The following PSG11 variants were observed in gnomAD, a reference collection of about 807,000 sequenced individuals.
PSG11 encodes the protein pregnancy-specific beta-1-glycoprotein 11.
Under a neutral mutation model 36.0 loss-of-function variants are expected in PSG11, and 42 were observed. That is an observed-to-expected ratio of 1.17 (90% CI 0.91 to 1.51). The LOEUF (loss-of-function observed/expected upper bound fraction) is 1.51. Ranked by LOEUF, PSG11 falls within the 40% of genes most tolerant of loss-of-function variation. The pLI is 0.00. For synonymous variants in PSG11, 206 were observed against 153.5 expected (o/e 1.34, Z -2.53); for missense variants, 558 against 403.5 (o/e 1.38, Z -3.28).
chr19:43,015,205 G>A lies in PSG11; in HGVS notation c.875C>T (p.Thr292Ile), dbSNP rs1966928600. The A allele has an allele frequency of 1.2e-6, 2 of 1,611,022 alleles. No individual in the cohort carries two copies. The highest frequency in any genetic ancestry group is 2.2e-5 in the East Asian group (1 of 44,790). Reference sequence around the variant, plus strand: ...AGCATAGAGCCCATTATGCTTTGGAGTAATCTGAGGGATAAAGAGCTTTTG... The same window carrying A: ...AGCATAGAGCCCATTATGCTTTGGAATAATCTGAGGGATAAAGAGCTTTTG... The part of the protein sequence containing the change: ...SGQKLFIPQI[T>I]PKHNGLYACS... The change falls in exon 4 of 6, where the codon ACT (threonine) becomes ATT (isoleucine). Residue 292 changes from threonine (T) to isoleucine (I), a missense_variant. Thr to Ile is a moderately conservative substitution (Grantham distance 89, BLOSUM62 -1). Transcript: ENST00000320078.
At chr19:43,015,580 T>G (rs1295126561) in intron 3 of PSG11, among the ~76,000 whole-genome samples, 1 of 151,288 alleles carries the variant, frequency 6.6e-6, no homozygotes, top group African/African-American at 2.4e-5. Context: ...GACAAGAGCA[T>G]CCCCTCTCCT....
In PSG11 at chr19:43,014,677, G is replaced by C; in HGVS notation, c.964+439C>G. 2.6e-6 allele frequency: 3 copies of C among 1,171,712 alleles called. No individual in the cohort carries two copies. The South Asian group carries it at 1.1e-4, about 42-fold the overall frequency. The allele number at this position is 1,171,712 out of a possible 1,614,324, so 72.6% of individuals were successfully genotyped here. A position where few individuals can be genotyped will look rare whatever the true frequency, so the allele number is the denominator to read the frequency against. On this transcript the variant is annotated intron_variant, in intron 4 of 5. Coordinates refer to ENST00000320078, the MANE Select transcript of PSG11 (RefSeq NM_002785.3). Reference sequence around the variant, plus strand: ...TCTGAGCTGCTCCTCCCTCACCCAAGGGGCTTCCTCCTCTCATTTGGGGGA... The same window carrying C: ...TCTGAGCTGCTCCTCCCTCACCCAACGGGCTTCCTCCTCTCATTTGGGGGA...
At chr19:43,023,110 C>A (rs921097009) in intron 2 of PSG11, among the ~76,000 whole-genome samples, 2 of 150,614 alleles carry the variant, frequency 1.3e-5, no homozygotes, top group Non-Finnish European at 3.0e-5. Context: ...CCAAGGAGCC[C>A]CGAGAACCCT....
chr19:43,014,910 A>G, intron 4 of PSG11: 3 of 1,428,042 alleles, frequency 2.1e-6, no homozygotes, highest in Non-Finnish European at 2.8e-6. Flanking sequence ...TTCTCAGGCC[A>G]GACACAAGGT....
In PSG11 at chr19:43,018,791, G is replaced by C. The variant is rs904017542; in HGVS notation, c.688C>G (p.Pro230Ala). ...WNSGSASRSD[P>A]VTLNLLHGPD... ...TCACGGAGGAGATTCAGGGTGACTG[G>C]GTCACTGCGGCTGGCACTCCCTGAG... The change falls in exon 3 of 6, where the codon CCA becomes GCA. Residue 230 changes from proline to alanine, a missense_variant. Coordinates refer to ENST00000320078, the MANE Select transcript of PSG11 (RefSeq NM_002785.3). 2 of 1,612,094 alleles carry C rather than the reference G, an allele frequency of 1.2e-6. No individual in the cohort carries two copies. The highest frequency in any genetic ancestry group is 1.3e-5 in the African/African-American group (1 of 74,550).
chr19:43,013,351 A>C (rs1305266365), intron 4 of PSG11, among the ~76,000 whole-genome samples: 2 of 151,452 alleles, frequency 1.3e-5, no homozygotes, highest in Non-Finnish European at 2.9e-5. Flanking sequence ...AATATTTGCA[A>C]ATTATATGTG....
chr19:43,013,980 A>T (rs1331325867), intron 4 of PSG11: 1 of 151,414 alleles, frequency 6.6e-6, no homozygotes, highest in African/African-American at 2.4e-5. Context: ...AAATGGATGA[A>T]CCTTGAAGAT....
chr19:43,022,849 G>C (rs1053829038), intron 2 of PSG11, among the ~76,000 whole-genome samples: 1 of 150,716 alleles, frequency 6.6e-6, no homozygotes, highest in Non-Finnish European at 1.5e-5. Flanking sequence ...TTCCTGGGAG[G>C]TGGGCCAGGC....
chr19:43,026,100 C>T (rs1282088537), intron 1 of PSG11, among the ~76,000 whole-genome samples: 1 of 150,098 alleles, frequency 6.7e-6, no homozygotes, highest in African/African-American at 2.5e-5. Context: ...CACCACCATA[C>T]CTGGTTAATT....
chr19:43,008,837 G>A (rs1973998141), intron 5 of PSG11, among the ~76,000 whole-genome samples: 3 of 151,054 alleles, frequency 2.0e-5, no homozygotes, highest in East Asian at 1.9e-4. Flanking sequence ...CATTCATTTA[G>A]TTTTAAGTTC....
intron 2 of PSG11, among the ~76,000 whole-genome samples, chr19:43,022,531 T>C (rs887002958): frequency 7.9e-5 from 12 of 151,498 alleles, no homozygotes; most frequent in Non-Finnish European, 1.5e-4. Context: ...AATAAACCTC[T>C]GTCCTCCTGT....
intron 2 of PSG11, chr19:43,024,346 G>A (rs1967181923): frequency 5.4e-6 from 2 of 373,574 alleles, no homozygotes; most frequent in East Asian, 1.2e-4. Context: ...TATCTCAGGG[G>A]CCCCTCAGGT....
chr19:43,020,714 T>C (rs1967082763), intron 2 of PSG11, among the ~76,000 whole-genome samples: 1 of 151,196 alleles, frequency 6.6e-6, no homozygotes, highest in Non-Finnish European at 1.5e-5. Flanking sequence ...AGAGTCCCGT[T>C]AAAAGGACAG....
intron 3 of PSG11, among the ~76,000 whole-genome samples, chr19:43,016,661 A>AGG (rs1966974543): frequency 6.6e-6 from 1 of 151,458 alleles, no homozygotes; most frequent in Non-Finnish European, 1.5e-5. Flanking sequence ...GTGTTTCATG[A>AGG]TGACTTACTT....
Position 43,022,559 on chromosome 19 carries a change from A to G in PSG11, c.430+2132T>C, listed in dbSNP as rs996577942. ...CCTCCTGTTTGGCAGACTTGGAGTC[A>G]TTAAAATCTTTCTTTACTAAAAATC... On this transcript the variant is annotated intron_variant, in intron 2 of 5. Transcript: ENST00000320078. Among the ~76,000 whole-genome samples, 7 of 151,498 alleles carry G rather than the reference A, an allele frequency of 4.6e-5. No homozygotes were observed. In the East Asian group the frequency reaches 7.8e-4, roughly 17 times the overall value.
chr19:43,013,485 A>G (rs1966884802), intron 4 of PSG11, among the ~76,000 whole-genome samples: 1 of 151,432 alleles, frequency 6.6e-6, no homozygotes, highest in African/African-American at 2.4e-5. Flanking sequence ...AGGAACACAA[A>G]TATCCAATAA....
At chr19:43,010,362 C>G in intron 4 of PSG11, 1 of 1,535,020 alleles carries the variant, frequency 6.5e-7, no homozygotes, top group Non-Finnish European at 8.7e-7. Flanking sequence ...ATGGTTGCAT[C>G]TTTTTCTCAG....
At chr19:43,024,622 A>C (rs897265959) in intron 2 of PSG11, 69 bp downstream of exon 2, 2 of 1,607,148 alleles carry the variant, frequency 1.2e-6, no homozygotes, top group African/African-American at 1.3e-5. Flanking sequence ...CAGGCCTGAC[A>C]ATCCTGTGTG....
intron 2 of PSG11, among the ~76,000 whole-genome samples, chr19:43,022,471 C>A (rs1162424618): frequency 6.6e-6 from 1 of 151,352 alleles, no homozygotes; most frequent in Non-Finnish European, 1.5e-5. Context: ...CTGAAACTAT[C>A]CTTGAAAATC....
Sources: allele counts gnomAD v4.1 joint callset (sites outside exome capture counted in the v4.1 genomes callset), GRCh38; gene constraint gnomAD v4.1.1; transcripts MANE v1.5; gene names NCBI Gene and HGNC (gene_info 2026-07-23, HGNC 2026-07-21).